UBE2J2: variants seen among roughly 807,000 people sequenced by gnomAD.
UBE2J2 encodes ubiquitin-conjugating enzyme E2 J2.
A neutral mutation model predicts 28.6 loss-of-function variants in UBE2J2; 5 were observed. That is an observed-to-expected ratio of 0.17 (90% CI 0.09 to 0.37). The LOEUF is 0.37. Ranked by LOEUF, UBE2J2 falls within the 10% of genes least tolerant of loss-of-function variation. The probability of loss-of-function intolerance (pLI) is 1.00; values close to 1 mark genes in which losing one functional copy is unlikely to be tolerated. For synonymous variants in UBE2J2, 138 were observed against 139.7 expected (o/e 0.99, Z 0.09); for missense variants, 226 against 338.9 (o/e 0.67, Z 2.62).
chr1:1,266,306 AT>A, intron 2 of UBE2J2: 1 of 702,610 alleles, frequency 1.4e-6, no homozygotes, highest in Non-Finnish European at 2.0e-6. Flanking sequence ...ATTAAAAAAA[AT>A]TAGGCCAGGC....
At chr1:1,266,820 G>A (rs1472979690) in intron 2 of UBE2J2, among the ~76,000 whole-genome samples, 1 of 152,104 alleles carries the variant, frequency 6.6e-6, no homozygotes. Flanking sequence ...GTGCAAGACT[G>A]TCTCAAAAAA....
At chr1:1,257,982 C>G (rs1639308482) in intron 3 of UBE2J2, among the ~76,000 whole-genome samples, 1 of 152,106 alleles carries the variant, frequency 6.6e-6, no homozygotes, top group Admixed American at 6.5e-5. Context: ...CCTGCTCTAC[C>G]AAACCTGACC....
At chr1:1,270,891 C>T (rs1640113017) in intron 1 of UBE2J2, among the ~76,000 whole-genome samples, 1 of 152,172 alleles carries the variant, frequency 6.6e-6, no homozygotes, top group African/African-American at 2.4e-5. Flanking sequence ...ACTCCCAAGA[C>T]CCAGCACGGC....
At chr1:1,261,272 G>A (rs1391211509) in intron 3 of UBE2J2, among the ~76,000 whole-genome samples, 1 of 152,200 alleles carries the variant, frequency 6.6e-6, no homozygotes, top group Non-Finnish European at 1.5e-5. Flanking sequence ...GAAATGGGAG[G>A]GGCAGTAGGA....
In UBE2J2 at chr1:1,254,166, G is replaced by C. The variant is rs1352095059; in HGVS notation, c.*1037C>G. The C allele has an allele frequency of 1.3e-5, 2 of 152,330 alleles. No homozygotes were observed. Among genetic ancestry groups the C allele is most frequent in the East Asian group, 1.9e-4 (1 of 5,170 alleles). The allele number at this position is 152,330 out of a possible 1,614,324, so 9.4% of individuals were successfully genotyped here. ...AAGTCACGGAACAGACGCAGAAGAG[G>C]GGAGACGGCCGAGACCCGGGGAGCC... On this transcript the variant is annotated 3_prime_UTR_variant, in exon 7 of 7. Transcript: ENST00000349431.
Position 1,263,350 on chromosome 1 carries a change from A to G in UBE2J2, c.168T>C (p.Tyr56=). 6.2e-7 allele frequency: 1 copy of G among 1,613,462 alleles called. No homozygotes were observed. The highest frequency in any genetic ancestry group is 8.5e-7 in the Non-Finnish European group (1 of 1,179,454). ...YVVRGPEMTP[Y]EGGYYHGKLI... is the part of the protein sequence containing the mutation. Reference sequence around the variant, plus strand: ...TCCTAAGCACAGAATCCTTACCTTCATAAGGGGTCATCTCTGGGCCTCGGA... The same window carrying G: ...TCCTAAGCACAGAATCCTTACCTTCGTAAGGGGTCATCTCTGGGCCTCGGA... Residue 56 remains tyrosine, a synonymous_variant, in exon 3 of 7, where the codon TAT becomes TAC. Transcript: ENST00000349431.
chr1:1,256,836 G>A (rs541358047), intron 5 of UBE2J2, among the ~76,000 whole-genome samples, 156 bp downstream of exon 5: 63 of 146,548 alleles, frequency 4.3e-4, no homozygotes, highest in African/African-American at 1.4e-3. Context: ...GCAGTGAGCC[G>A]AGATTGCGCC....
intron 1 of UBE2J2, among the ~76,000 whole-genome samples, chr1:1,270,477 A>C (rs986649822): frequency 6.6e-6 from 1 of 152,110 alleles, no homozygotes; most frequent in Non-Finnish European, 1.5e-5. Context: ...CGTGCTCCCA[A>C]ATGTGTGGCC....
At chr1:1,267,241 T>G (rs992464960) in intron 2 of UBE2J2, among the ~76,000 whole-genome samples, 2 of 152,100 alleles carry the variant, frequency 1.3e-5, no homozygotes, top group Non-Finnish European at 2.9e-5. Context: ...TGGCAGTGTT[T>G]CGACAGAGCA....
At chr1:1,271,590 C>T (rs541022250) in intron 1 of UBE2J2, 5 of 152,242 alleles carry the variant, frequency 3.3e-5, no homozygotes, top group African/African-American at 1.2e-4. Flanking sequence ...TCACACAGAA[C>T]AGCATTCTCA....
chr1:1,267,617 A>G, intron 2 of UBE2J2: 1 of 1,011,588 alleles, frequency 9.9e-7, no homozygotes. Context: ...AGGGCCCCAC[A>G]CCGGAGATTC....
chr1:1,268,348 G>A lies in UBE2J2; in HGVS notation c.1-356C>T, dbSNP rs958663662. 6.6e-6 allele frequency among the ~76,000 whole-genome samples: 1 copy of A among 152,140 alleles called. No homozygotes were observed. The highest frequency in any genetic ancestry group is 1.5e-5 in the Non-Finnish European group (1 of 68,040). ...AGCCTCAGACCAGCTCCTGAGGGCAGCTACTCGCACCTTCCAACTCAGCTC... is the reference window on the plus strand; with the variant it reads ...AGCCTCAGACCAGCTCCTGAGGGCAACTACTCGCACCTTCCAACTCAGCTC... On this transcript the variant is annotated intron_variant, in intron 1 of 6. Coordinates refer to ENST00000349431, the MANE Select transcript of UBE2J2 (RefSeq NM_058167.3). The surrounding 1 kb of genome is among the most constrained non-coding windows in gnomAD (Gnocchi z 4.7).
At chr1:1,260,189 C>T (rs573135529) in intron 3 of UBE2J2, among the ~76,000 whole-genome samples, 10 of 152,168 alleles carry the variant, frequency 6.6e-5, no homozygotes, top group African/African-American at 2.2e-4. Context: ...TCCTGGCGTG[C>T]GGCCACATCC....
At chr1:1,266,182 C>A (rs1639851855) in intron 2 of UBE2J2, 11 of 1,294,120 alleles carry the variant, frequency 8.5e-6, no homozygotes, top group Non-Finnish European at 1.0e-5. Flanking sequence ...CCGCCTCACC[C>A]TGGGTATCCT....
At chr1:1,271,829 T>A (rs1019160574) in intron 1 of UBE2J2, among the ~76,000 whole-genome samples, 1 of 151,544 alleles carries the variant, frequency 6.6e-6, no homozygotes, top group South Asian at 2.1e-4. Flanking sequence ...ACAAAATTAA[T>A]CAGGCATGGT....
At chr1:1,261,565 A>AT (rs1453319878) in intron 3 of UBE2J2, among the ~76,000 whole-genome samples, 1 of 152,060 alleles carries the variant, frequency 6.6e-6, no homozygotes, top group African/African-American at 2.4e-5. Context: ...TTCACTATTT[A>AT]TTTTTAAAAA....
At chr1:1,271,528 A>T (rs1194880130) in intron 1 of UBE2J2, 2 of 152,156 alleles carry the variant, frequency 1.3e-5, no homozygotes, top group Non-Finnish European at 1.5e-5. Context: ...AGAGGCTTTT[A>T]AAATCATGTT....
At chr1:1,259,334 C>G (rs1639416504) in intron 3 of UBE2J2, among the ~76,000 whole-genome samples, 1 of 151,258 alleles carries the variant, frequency 6.6e-6, no homozygotes, top group Non-Finnish European at 1.5e-5. Context: ...TGGGCGTGGG[C>G]ATGTGTGTGC....
At position 1,265,554 on chromosome 1, in the gene UBE2J2, A is replaced by C. The variant is rs1167615018; in HGVS notation, c.132-2168T>G. ...CATGCCTCTTCCGCTGGCTGACTGC[A>C]GTTTTCTCTCGTGTGTGTGTGTGTG... On this transcript the variant is annotated intron_variant, in intron 2 of 6. Transcript: ENST00000349431. Among the ~76,000 whole-genome samples, 9 of 140,384 alleles carry C rather than the reference A, an allele frequency of 6.4e-5. No homozygotes were observed. The East Asian group carries it at 1.8e-3, about 29-fold the overall frequency. 92.1% of individuals were successfully genotyped at this position (140,384 alleles called of 152,430 possible).
Sources: gnomAD v4.1 joint callset for allele counts (sites outside exome capture counted in the v4.1 genomes callset) on GRCh38, gnomAD v4.1.1 for gene constraint, Gnocchi (gnomAD v3.1) non-coding constraint, MANE v1.5 for transcripts, NCBI Gene and HGNC (gene_info 2026-07-23, HGNC 2026-07-21) for gene names.